GPC5: variants seen among roughly 807,000 people sequenced by gnomAD.
The protein encoded by GPC5 is glypican 5, also known as glypican-5.
Under a neutral mutation model 53.9 loss-of-function variants are expected in GPC5, and 47 were observed. That is an observed-to-expected ratio of 0.87 (90% CI 0.69 to 1.11). The LOEUF (loss-of-function observed/expected upper bound fraction) is 1.11. GPC5 is among the 50% of genes most tolerant of loss of function. The probability of loss-of-function intolerance (pLI) is 0.00; values close to 1 mark genes in which losing one functional copy is unlikely to be tolerated. For missense variants in GPC5, 748 were observed against 713.1 expected, an observed-to-expected ratio of 1.05 and a Z score of -0.56; for synonymous variants, 286 against 263.3, an observed-to-expected ratio of 1.09 and a Z score of -0.84.
rs754226455 is a variant in GPC5, at chr13:92,144,995, T to G, written c.1561+6T>G. 6 of 1,421,766 alleles carry G rather than the reference T, an allele frequency of 4.2e-6. No individual in the cohort carries two copies. Among genetic ancestry groups the G allele is most frequent in the South Asian group, 3.5e-5 (2 of 56,676 alleles). 88.1% of individuals were successfully genotyped at this position (1,421,766 alleles called of 1,614,324 possible). On this transcript the variant is annotated splice_donor_region_variant and intron_variant, in intron 7 of 7. Coordinates refer to ENST00000377067, the MANE Select transcript of GPC5 (RefSeq NM_004466.6). ...GACACTGAAGATCACAGACTGTAAG[T>G]GTATGATTCTAACACCACTTTTTTA...
intron 7 of GPC5, among the ~76,000 whole-genome samples, chr13:92,229,616 A>G (rs1415488892): frequency 1.3e-5 from 2 of 152,146 alleles, no homozygotes; most frequent in Non-Finnish European, 2.9e-5. Context: ...TGTTGTTTAT[A>G]GCTTTCTTGT....
chr13:92,360,104 CT>C (rs2043554050), intron 7 of GPC5, among the ~76,000 whole-genome samples: 1 of 151,616 alleles, frequency 6.6e-6, no homozygotes, highest in African/African-American at 2.4e-5. Flanking sequence ...TCAATTTCTG[CT>C]TTTGTTGAAA....
At chr13:91,854,333 A>G (rs1236872405) in intron 5 of GPC5, among the ~76,000 whole-genome samples, 3 of 151,832 alleles carry the variant, frequency 2.0e-5, no homozygotes, top group Non-Finnish European at 4.4e-5. Flanking sequence ...ATATGTAATA[A>G]TCACATCATG....
intron 6 of GPC5, among the ~76,000 whole-genome samples, chr13:91,981,734 G>C (rs906493888): frequency 6.6e-6 from 1 of 152,142 alleles, no homozygotes; most frequent in Non-Finnish European, 1.5e-5. Context: ...GGTGTTATTG[G>C]TGTGAAAGAC....
At chr13:92,525,437 A>AGTGTGTGTGTGTGT (rs34946580) in intron 7 of GPC5, among the ~76,000 whole-genome samples, 4,680 of 136,532 alleles carry the variant, frequency 0.034, 124 homozygotes, top group South Asian at 0.048. Flanking sequence ...GATAGATTCA[A>AGTGTGTGTGTGTGT]GTGTGTGTGT....
intron 2 of GPC5, among the ~76,000 whole-genome samples, chr13:91,637,312 G>A (rs2034308781): frequency 6.6e-6 from 1 of 152,170 alleles, no homozygotes; most frequent in Non-Finnish European, 1.5e-5. Context: ...CTGTGGTCAG[G>A]TTCAAATATC....
At chr13:92,503,053 T>G (rs1022722476) in intron 7 of GPC5, among the ~76,000 whole-genome samples, 3 of 151,996 alleles carry the variant, frequency 2.0e-5, no homozygotes, top group African/African-American at 7.2e-5. Context: ...TATTTGAAAA[T>G]TTAACACATT....
intron 7 of GPC5, among the ~76,000 whole-genome samples, chr13:92,780,120 C>A (rs1231796001): frequency 6.6e-6 from 1 of 151,744 alleles, no homozygotes; most frequent in Non-Finnish European, 1.5e-5. Flanking sequence ...GTACAGTTTC[C>A]CTTGAATTTT....
chr13:92,815,395 C>T (rs1877434197), intron 7 of GPC5, among the ~76,000 whole-genome samples: 1 of 151,892 alleles, frequency 6.6e-6, no homozygotes, highest in African/African-American at 2.4e-5. Flanking sequence ...AATACAAAAT[C>T]CTGAGGCAAG....
intron 7 of GPC5, among the ~76,000 whole-genome samples, chr13:92,413,261 G>A (rs1270363906): frequency 1.3e-5 from 2 of 152,120 alleles, no homozygotes; most frequent in Non-Finnish European, 2.9e-5. Flanking sequence ...AGTGTTGTTG[G>A]TTTTACAGCT....
chr13:92,802,569 C>T (rs890978089), intron 7 of GPC5, among the ~76,000 whole-genome samples: 1 of 151,850 alleles, frequency 6.6e-6, no homozygotes, highest in African/African-American at 2.4e-5. Flanking sequence ...CAATGATAGA[C>T]TGGATTAAGA....
At chr13:92,055,868 A>G (rs191854979) in intron 6 of GPC5, among the ~76,000 whole-genome samples, 82 of 152,316 alleles carry the variant, frequency 5.4e-4, no homozygotes, top group African/African-American at 1.9e-3. Flanking sequence ...ACTTCAATCA[A>G]TATTATTACT....
At chr13:92,510,675 G>C (rs930756564) in intron 7 of GPC5, among the ~76,000 whole-genome samples, 31 of 152,260 alleles carry the variant, frequency 2.0e-4, no homozygotes, top group African/African-American at 6.0e-4. Flanking sequence ...ACCCACCTCT[G>C]GGTTACTTTA....
At position 91,820,476 on chromosome 13, in the gene GPC5, C is replaced by G. The variant is rs945441016; in HGVS notation, c.1280+64056C>G. ...GCCCTCATTTTCTGCAAAGCCTCCC[C>G]CCACCACCATCCCACTACTCTGCAG... On this transcript the variant is annotated intron_variant, in intron 5 of 7. Coordinates refer to ENST00000377067, the MANE Select transcript of GPC5 (RefSeq NM_004466.6). Among the ~76,000 whole-genome samples the G allele has an allele frequency of 2.6e-5, 4 of 152,198 alleles. No homozygotes were observed. In the East Asian group the frequency reaches 5.8e-4, roughly 22 times the overall value.
At chr13:91,852,833 G>A (rs772287875) in intron 5 of GPC5, among the ~76,000 whole-genome samples, 1 of 152,072 alleles carries the variant, frequency 6.6e-6, no homozygotes, top group Non-Finnish European at 1.5e-5. Context: ...ATTGTTATGT[G>A]GAGCATGCCT....
chr13:91,728,614 G>C lies in GPC5; in HGVS notation c.1103G>C (p.Gly368Ala). ...CSFDQSKEKH[G>A]MKTTTRNSEE... ...TTTGATCAGAGCAAAGAGAAGCATG[G>C]AATGAAGACCACCACAAGGAACAGT... The change falls in exon 4 of 8, where the codon GGA becomes GCA. Residue 368 changes from glycine to alanine, a missense_variant. By Grantham distance (60) the Gly-to-Ala change is moderately conservative. Transcript: ENST00000377067. The C allele has an allele frequency of 6.2e-7, 1 of 1,613,410 alleles. No homozygotes were observed. The highest frequency in any genetic ancestry group is 8.5e-7 in the Non-Finnish European group (1 of 1,179,576).
chr13:91,999,353 G>T (rs976575629), intron 6 of GPC5, among the ~76,000 whole-genome samples: 6 of 152,194 alleles, frequency 3.9e-5, no homozygotes, highest in Admixed American at 2.0e-4. Context: ...CTCTTCAAAA[G>T]ATGATGACCA....
chr13:92,034,851 A>G (rs1384640510), intron 6 of GPC5, among the ~76,000 whole-genome samples: 2 of 152,126 alleles, frequency 1.3e-5, no homozygotes, highest in African/African-American at 4.8e-5. Context: ...GCATCTGTGT[A>G]TGTTACCTCT....
At chr13:92,243,318 G>T (rs372787026) in intron 7 of GPC5, among the ~76,000 whole-genome samples, 1 of 152,162 alleles carries the variant, frequency 6.6e-6, no homozygotes, top group South Asian at 2.1e-4. Context: ...AAACTCACTT[G>T]TATATTCAAG....
Sources: allele counts gnomAD v4.1 joint callset (sites outside exome capture counted in the v4.1 genomes callset), GRCh38; gene constraint gnomAD v4.1.1; transcripts MANE v1.5; gene names NCBI Gene and HGNC (gene_info 2026-07-23, HGNC 2026-07-21).